The following FOCAD variants were observed in gnomAD, a reference collection of about 807,000 sequenced individuals.
The protein encoded by FOCAD is focadhesin.
Under a neutral mutation model 225.6 loss-of-function variants are expected in FOCAD, and 198 were observed. That is an observed-to-expected ratio of 0.88 (90% CI 0.78 to 0.99). FOCAD has a LOEUF of 0.99. FOCAD is among the 50% of genes least tolerant of loss of function. The probability of loss-of-function intolerance (pLI) is 0.00; values close to 1 mark genes in which losing one functional copy is unlikely to be tolerated. For synonymous variants in FOCAD, 897 were observed against 755.0 expected (o/e 1.19, Z -3.08); for missense variants, 2,713 against 2,123.6 (o/e 1.28, Z -5.46).
At chr9:20,973,303 C>T (rs1043197878) in intron 35 of FOCAD, among the ~76,000 whole-genome samples, 4 of 151,820 alleles carry the variant, frequency 2.6e-5, no homozygotes, top group South Asian at 2.1e-4. Context: ...GCTGACTTTG[C>T]CCTGTTCTGC....
intron 24 of FOCAD, 66 bp from the exon 25 acceptor site, chr9:20,923,594 T>G: frequency 3.2e-6 from 4 of 1,249,222 alleles, no homozygotes; most frequent in Non-Finnish European, 4.6e-6. Context: ...CCCTCCTATA[T>G]TAGCTCTTTC....
At chr9:20,769,221 C>G (rs539637104) in intron 7 of FOCAD, among the ~76,000 whole-genome samples, 1 of 152,214 alleles carries the variant, frequency 6.6e-6, no homozygotes, top group South Asian at 2.1e-4. Flanking sequence ...ATTTTTCTCT[C>G]TGTGTATAAC....
intron 35 of FOCAD, among the ~76,000 whole-genome samples, chr9:20,966,984 A>G (rs1839321403): frequency 6.6e-6 from 1 of 151,630 alleles, no homozygotes; most frequent in South Asian, 2.1e-4. Flanking sequence ...TTTTTTCAAG[A>G]TATTTTTTTT....
chr9:20,977,045 A>G (rs557244376), intron 36 of FOCAD, among the ~76,000 whole-genome samples: 3 of 152,262 alleles, frequency 2.0e-5, no homozygotes, highest in East Asian at 1.9e-4. Flanking sequence ...TTCTTTCTAG[A>G]GGTTCTAGGG....
intron 29 of FOCAD, among the ~76,000 whole-genome samples, chr9:20,946,194 C>A (rs1167457542): frequency 1.3e-5 from 2 of 152,122 alleles, no homozygotes; most frequent in African/African-American, 4.8e-5. Context: ...ATTTATCTGA[C>A]TCCAGAATCC....
chr9:20,758,962 A>T (rs1829317693), intron 6 of FOCAD, among the ~76,000 whole-genome samples: 2 of 152,170 alleles, frequency 1.3e-5, no homozygotes. Flanking sequence ...AAGCATTCTT[A>T]TACACCAATA....
chr9:20,812,969 CT>C (rs1823249244), intron 11 of FOCAD, among the ~76,000 whole-genome samples: 2 of 152,042 alleles, frequency 1.3e-5, no homozygotes, highest in South Asian at 4.2e-4. Flanking sequence ...ATCTCTAGAA[CT>C]TTTTTTATTT....
At chr9:20,712,276 T>C (rs1387060978) in intron 1 of FOCAD, among the ~76,000 whole-genome samples, 1 of 152,216 alleles carries the variant, frequency 6.6e-6, no homozygotes, top group Non-Finnish European at 1.5e-5. Context: ...CTCTATCTTT[T>C]CTTTTTAGTA....
At position 20,884,951 on chromosome 9, in the gene FOCAD, C is replaced by T. The variant is rs1022518126; in HGVS notation, c.2504-158C>T. Among the ~76,000 whole-genome samples the T allele has an allele frequency of 1.3e-4, 20 of 151,954 alleles. 1 individual carries two copies. Among genetic ancestry groups the T allele is most frequent in the Admixed American group, 5.2e-4 (8 of 15,258 alleles). On this transcript the variant is annotated intron_variant, in intron 20 of 43. Transcript: ENST00000338382. ...GCACACGCTTGTAGTCCCAGCTACT[C>T]AGGAGGCTGAGGCAGAAGAATCCCT...
chr9:20,703,693 C>G (rs893722751), intron 1 of FOCAD, among the ~76,000 whole-genome samples: 3 of 151,978 alleles, frequency 2.0e-5, no homozygotes, highest in African/African-American at 7.2e-5. Flanking sequence ...TGAGAGATTC[C>G]TTATCACTTA....
At chr9:20,807,814 T>C (rs4977740) in intron 11 of FOCAD, among the ~76,000 whole-genome samples, 146,646 of 152,242 alleles carry the variant, frequency 0.96, 70,669 homozygotes, top group East Asian at 1. Flanking sequence ...CTTTGGGAGG[T>C]GAAGGTGGGC....
intron 18 of FOCAD, among the ~76,000 whole-genome samples, chr9:20,867,443 TA>T (rs1424431201): frequency 6.6e-6 from 1 of 152,004 alleles, no homozygotes; most frequent in East Asian, 1.9e-4. Flanking sequence ...GAATGGTATA[TA>T]GGTAGCTCCA....
chr9:20,868,725 C>T (rs991829875), intron 18 of FOCAD, among the ~76,000 whole-genome samples: 2 of 151,528 alleles, frequency 1.3e-5, no homozygotes, highest in Non-Finnish European at 2.9e-5. Flanking sequence ...TTTTCTTGCC[C>T]TAATCCCCTT....
intron 1 of FOCAD, among the ~76,000 whole-genome samples, chr9:20,692,306 A>G (rs906742184): frequency 3.9e-5 from 6 of 152,118 alleles, no homozygotes; most frequent in Non-Finnish European, 8.8e-5. Flanking sequence ...ACTCTTCTTT[A>G]TCTCACAATC....
chr9:20,970,335 C>T (rs755537593), intron 35 of FOCAD, among the ~76,000 whole-genome samples: 10 of 152,142 alleles, frequency 6.6e-5, no homozygotes, highest in Admixed American at 5.9e-4. Flanking sequence ...GTTATGCCTA[C>T]GTTGGTATGC....
At chr9:20,935,242 T>A (rs926287844) in intron 28 of FOCAD, among the ~76,000 whole-genome samples, 48 of 152,216 alleles carry the variant, frequency 3.2e-4, no homozygotes, top group African/African-American at 1.1e-3. Flanking sequence ...AAACCAGGTT[T>A]CAGCAATAGA....
At chr9:20,807,067 A>G (rs1822537921) in intron 11 of FOCAD, among the ~76,000 whole-genome samples, 1 of 152,216 alleles carries the variant, frequency 6.6e-6, no homozygotes. Flanking sequence ...CACCTCATTA[A>G]ATTCATCATG....
In FOCAD at chr9:20,881,889, C is replaced by T. The variant is rs147376982; in HGVS notation, c.2336C>T (p.Thr779Ile). 1.5e-3 allele frequency: 2,488 copies of T among 1,612,524 alleles called. 8 individuals are homozygous for T. Among genetic ancestry groups the T allele is most frequent in the Admixed American group, 3.4e-3 (204 of 59,532 alleles). ...LVLPALEEFF[T>I]SLVKQEMVNM... is the part of the protein sequence containing the mutation. ...CTTTTAGCTTTGGAGGAATTTTTTA[C>T]ATCACTTGTGAAGCAAGAAATGGTG... The change falls in exon 20 of 44, where the codon ACA becomes ATA. Residue 779 changes from threonine to isoleucine, a missense_variant. Transcript: ENST00000338382.
chr9:20,704,844 G>T (rs117956430), intron 1 of FOCAD, among the ~76,000 whole-genome samples: 91 of 152,248 alleles, frequency 6.0e-4, no homozygotes, highest in Middle Eastern at 3.4e-3. Context: ...TGTTAGTCAA[G>T]ATTTTCCTAT....
Sources: allele counts gnomAD v4.1 joint callset (sites outside exome capture counted in the v4.1 genomes callset), GRCh38; gene constraint gnomAD v4.1.1; transcripts MANE v1.5; gene names NCBI Gene and HGNC (gene_info 2026-07-23, HGNC 2026-07-21).